The following SHISA9 variants were observed in gnomAD, a reference collection of about 807,000 sequenced individuals.
SHISA9 encodes protein shisa-9.
Under a neutral mutation model 38.0 loss-of-function variants are expected in SHISA9, and 13 were observed. That is an observed-to-expected ratio of 0.34 (90% CI 0.22 to 0.54). The LOEUF (loss-of-function observed/expected upper bound fraction) is 0.54, where lower values mean the gene tolerates loss of function less well. Among genes scored for constraint, SHISA9 ranks in the 20% least tolerant of loss-of-function variants. SHISA9 has a pLI of 0.91. For missense variants in SHISA9, 538 were observed against 575.8 expected (o/e 0.93, Z 0.67); for synonymous variants, 275 against 242.0 (o/e 1.14, Z -1.27).
At chr16:12,983,562 C>T (rs2072268599) in intron 2 of SHISA9, among the ~76,000 whole-genome samples, 2 of 152,178 alleles carry the variant, frequency 1.3e-5, no homozygotes, top group South Asian at 4.1e-4. Flanking sequence ...AATCTCGGCT[C>T]ACTGCAAGCT....
chr16:13,514,474 C>A, the SHISA9 span, among the ~76,000 whole-genome samples: 1 of 151,972 alleles, frequency 6.6e-6, no homozygotes, highest in South Asian at 2.1e-4. Flanking sequence ...CTAATTTGTT[C>A]AGGAATGTGG....
the SHISA9 span, among the ~76,000 whole-genome samples, chr16:13,451,225 C>T: frequency 6.6e-6 from 1 of 152,192 alleles, no homozygotes; most frequent in Non-Finnish European, 1.5e-5. Flanking sequence ...TATTCTCCAG[C>T]TGCCCCGTGG....
chr16:12,902,010 C>T lies in SHISA9; in HGVS notation c.-55C>T, dbSNP rs749623445. ...GCAGCTTCGGCCGCGCCTCGAGAGG[C>T]GGCCGCAGAGGCTCCAGCGGCGGCC... On this transcript the variant is annotated 5_prime_UTR_variant, in exon 1 of 5. Coordinates refer to ENST00000558583, the MANE Select transcript of SHISA9 (RefSeq NM_001145204.3). 3.7e-6 allele frequency: 5 copies of T among 1,346,880 alleles called. No individual in the cohort carries two copies. The South Asian group carries it at 7.1e-5, about 19-fold the overall frequency. 83.4% of individuals were successfully genotyped at this position (1,346,880 alleles called of 1,614,324 possible).
chr16:13,309,432 C>G, the SHISA9 span, among the ~76,000 whole-genome samples: 1 of 151,924 alleles, frequency 6.6e-6, no homozygotes, highest in African/African-American at 2.4e-5. Context: ...CACCCGAGGT[C>G]AGAAGTTTGA....
At chr16:13,418,256 C>T in the SHISA9 span, among the ~76,000 whole-genome samples, 1 of 151,664 alleles carries the variant, frequency 6.6e-6, no homozygotes, top group Admixed American at 6.6e-5. Context: ...AGTATCAAAA[C>T]AGCCCCAAAC....
chr16:13,145,704 T>C (rs1462539576), intron 2 of SHISA9, among the ~76,000 whole-genome samples: 2 of 152,178 alleles, frequency 1.3e-5, no homozygotes, highest in East Asian at 3.9e-4. Context: ...AGTGAGTTAT[T>C]AATAATAGTG....
the SHISA9 span, among the ~76,000 whole-genome samples, chr16:13,411,261 G>T: frequency 6.6e-6 from 1 of 152,166 alleles, no homozygotes; most frequent in South Asian, 2.1e-4. Context: ...AATGGGAATG[G>T]CAGTTGAGCA....
the SHISA9 span, among the ~76,000 whole-genome samples, chr16:13,485,196 C>T: frequency 7.2e-5 from 11 of 151,930 alleles, no homozygotes; most frequent in East Asian, 1.9e-4. Context: ...CCCCTTGCCC[C>T]GCACCCCCCG....
the SHISA9 span, among the ~76,000 whole-genome samples, chr16:13,505,688 A>G: frequency 2.0e-5 from 3 of 152,224 alleles, no homozygotes; most frequent in Non-Finnish European, 4.4e-5. Flanking sequence ...TGGAAAGGGC[A>G]GAGATTCAGA....
At chr16:13,350,752 A>G in the SHISA9 span, 2 of 152,194 alleles carry the variant, frequency 1.3e-5, no homozygotes, top group South Asian at 2.1e-4. Context: ...TTTTGCAAAG[A>G]AAGAGTGAGG....
At chr16:13,265,991 A>G in the SHISA9 span, among the ~76,000 whole-genome samples, 1 of 152,222 alleles carries the variant, frequency 6.6e-6, no homozygotes, top group African/African-American at 2.4e-5. Context: ...TAAGATTAGG[A>G]AAGAAAGATT....
rs180898201 is a variant in SHISA9, at chr16:13,218,399, C to T, written c.895+5099C>T. Among the ~76,000 whole-genome samples, 583 of 152,286 alleles carry T rather than the reference C, an allele frequency of 3.8e-3. 12 individuals carry two copies. Among genetic ancestry groups the T allele is most frequent in the Admixed American group, 0.035 (538 of 15,294 alleles). ...CCACCCTAGATGCAATCGCAGTTTGCGACACAGCATCCGTTTACATACCGG... is the reference window on the plus strand; with the variant it reads ...CCACCCTAGATGCAATCGCAGTTTGTGACACAGCATCCGTTTACATACCGG... On this transcript the variant is annotated intron_variant, in intron 4 of 4. Coordinates refer to ENST00000558583, the MANE Select transcript of SHISA9 (RefSeq NM_001145204.3).
chr16:13,244,073 T>A (rs1439460395), downstream of SHISA9, among the ~76,000 whole-genome samples: 1 of 152,108 alleles, frequency 6.6e-6, no homozygotes, highest in Non-Finnish European at 1.5e-5. Flanking sequence ...GGCTTTCTGA[T>A]TCTCTAACAG....
intron 2 of SHISA9, among the ~76,000 whole-genome samples, chr16:13,160,468 A>T (rs1283597359): frequency 6.6e-6 from 1 of 152,238 alleles, no homozygotes; most frequent in Non-Finnish European, 1.5e-5. Flanking sequence ...CACACTGCAT[A>T]GGTGGCCCTG....
chr16:13,160,703 G>A (rs551580605), intron 2 of SHISA9, among the ~76,000 whole-genome samples: 1 of 152,268 alleles, frequency 6.6e-6, no homozygotes, highest in South Asian at 2.1e-4. Context: ...CCCCCCAGGG[G>A]CTTAGTTTAA....
intron 2 of SHISA9, among the ~76,000 whole-genome samples, chr16:13,084,887 C>A (rs1326699547): frequency 6.6e-6 from 1 of 152,058 alleles, no homozygotes; most frequent in Admixed American, 6.6e-5. Flanking sequence ...TGAATGATTT[C>A]CAAGGGGGGA....
intron 4 of SHISA9, among the ~76,000 whole-genome samples, chr16:13,216,520 C>T (rs56196016): frequency 0.019 from 2,928 of 152,276 alleles, 47 homozygotes; most frequent in Non-Finnish European, 0.03. Context: ...CTGGTGAACT[C>T]TTTTTAACCC....
intron 2 of SHISA9, among the ~76,000 whole-genome samples, chr16:12,958,224 C>T (rs189722834): frequency 7.9e-5 from 12 of 152,310 alleles, no homozygotes; most frequent in Admixed American, 2.0e-4. Context: ...AAAGGTAGTG[C>T]GGTATTCCAT....
chr16:13,242,282 T>C (rs545897316), downstream of SHISA9, among the ~76,000 whole-genome samples: 2 of 152,122 alleles, frequency 1.3e-5, no homozygotes, highest in African/African-American at 2.4e-5. Context: ...GGCAGCTTGA[T>C]AAAAATGCTG....
Sources: allele counts gnomAD v4.1 joint callset (sites outside exome capture counted in the v4.1 genomes callset), GRCh38; gene constraint gnomAD v4.1.1; transcripts MANE v1.5; gene names NCBI Gene and HGNC (gene_info 2026-07-23, HGNC 2026-07-21).